The following NPR3 variants were observed in gnomAD, a reference collection of about 807,000 sequenced individuals.
The protein encoded by NPR3 is natriuretic peptide receptor 3, also known as atrial natriuretic peptide receptor 3.
NPR3 carries 34 observed loss-of-function variants against 54.5 expected under a neutral mutation model. The ratio of observed to expected loss-of-function variants is 0.62; its 90% CI spans 0.47 to 0.83. The LOEUF (loss-of-function observed/expected upper bound fraction) is 0.83. Among genes scored for constraint, NPR3 ranks in the 40% least tolerant of loss-of-function variants. NPR3 has a pLI of 0.00. For synonymous variants in NPR3, 289 were observed against 297.1 expected, an observed-to-expected ratio of 0.97 and a Z score of 0.28; for missense variants, 674 against 720.8, an observed-to-expected ratio of 0.94 and a Z score of 0.74.
At chr5:32,710,520 G>A, upstream of NPR3, 1 of 915,570 alleles carries the variant, frequency 1.1e-6, no homozygotes, top group Non-Finnish European at 1.5e-6. Flanking sequence ...CTGACAGAGG[G>A]TCCGTGAGCT....
At chr5:32,743,814 T>G in intron 3 of NPR3, among the ~76,000 whole-genome samples, 1 of 152,096 alleles carries the variant, frequency 6.6e-6, no homozygotes, top group East Asian at 1.9e-4. Context: ...TAGGGTTGTT[T>G]AGGGCTAGTC....
At chr5:32,752,949 A>G (rs1740649462) in intron 3 of NPR3, among the ~76,000 whole-genome samples, 1 of 152,230 alleles carries the variant, frequency 6.6e-6, no homozygotes, top group African/African-American at 2.4e-5. Flanking sequence ...TAGTTGTGCT[A>G]AAGTAGAATA....
In NPR3 at chr5:32,786,399, G is replaced by A. The variant is rs1414283516; in HGVS notation, c.*54G>A. ...CCTGAGATTCTTTAAGGAGATAGACGGGTTGAAAGACATCAATGAAACAGA... is the reference window on the plus strand; with the variant it reads ...CCTGAGATTCTTTAAGGAGATAGACAGGTTGAAAGACATCAATGAAACAGA... On this transcript the variant is annotated 3_prime_UTR_variant, in exon 8 of 8. Coordinates refer to ENST00000265074, the MANE Select transcript of NPR3 (RefSeq NM_001204375.2). 9.8e-6 allele frequency: 7 copies of A among 717,748 alleles called. No homozygotes were observed. In the East Asian group the frequency reaches 1.7e-4, roughly 17 times the overall value. The allele number at this position is 717,748 out of a possible 1,614,324, so 44.5% of individuals were successfully genotyped here. A position where few individuals can be genotyped will look rare whatever the true frequency, so the allele number is the denominator to read the frequency against.
chr5:32,738,974 T>C lies in NPR3; in HGVS notation c.1003T>C (p.Phe335Leu), dbSNP rs1739898153. ...GACAGTGAAACCTGAGTTTGAGAAGTTTTCCATGGAGGTGAAAAGTTCAGT... is the reference window on the plus strand; with the variant it reads ...GACAGTGAAACCTGAGTTTGAGAAGCTTTCCATGGAGGTGAAAAGTTCAGT... ...LRTVKPEFEKFSMEVKSSVEK... is the reference protein window; with the variant it reads ...LRTVKPEFEKLSMEVKSSVEK... The change falls in exon 3 of 8, where the codon TTT becomes CTT. Residue 335 changes from phenylalanine (F) to leucine (L), a missense_variant. Coordinates refer to ENST00000265074, the MANE Select transcript of NPR3 (RefSeq NM_001204375.2). 6.2e-7 allele frequency: 1 copy of C among 1,613,840 alleles called. No individual in the cohort carries two copies.
At position 32,791,372 on chromosome 5, in the gene NPR3, G is replaced by A. The variant is rs1742901636; in HGVS notation, c.*5027G>A. On this transcript the variant is annotated 3_prime_UTR_variant, in exon 8 of 8. Transcript: ENST00000265074. ...TTATTCATTGTTGATTTAAATACAGGACTACCAAACAGTACAAATCTATCA... is the reference window on the plus strand; with the variant it reads ...TTATTCATTGTTGATTTAAATACAGAACTACCAAACAGTACAAATCTATCA... 2 of 167,030 alleles carry A rather than the reference G, an allele frequency of 1.2e-5. No individual in the cohort carries two copies. Among genetic ancestry groups the A allele is most frequent in the East Asian group, 1.9e-4 (1 of 5,204 alleles). 10.3% of individuals were successfully genotyped at this position (167,030 alleles called of 1,614,324 possible). A position where few individuals can be genotyped will look rare whatever the true frequency, so the allele number is the denominator to read the frequency against.
chr5:32,765,196 T>C (rs1741387997), intron 3 of NPR3, among the ~76,000 whole-genome samples: 2 of 152,172 alleles, frequency 1.3e-5, no homozygotes, highest in African/African-American at 2.4e-5. Flanking sequence ...GTCTTCCCCT[T>C]GGCAGCAGCT....
intron 2 of NPR3, among the ~76,000 whole-genome samples, chr5:32,728,169 G>A (rs2111904068): frequency 6.6e-6 from 1 of 152,236 alleles, no homozygotes; most frequent in South Asian, 2.1e-4. Context: ...TGAGATTCAA[G>A]AGCAGTTTTT....
At position 32,786,261 on chromosome 5, in the gene NPR3, G is replaced by A; in HGVS notation, c.1542G>A (p.Arg514=). Residue 514 remains arginine, a synonymous_variant, in exon 8 of 8, where the codon AGG becomes AGA. Coordinates refer to ENST00000265074, the MANE Select transcript of NPR3 (RefSeq NM_001204375.2). ...AGAAATACAGAATAACCATTGAGAG[G>A]CGAACCCAGCAAGAAGAAAGTAACC... ...FRKKYRITIE[R]RTQQEESNLG... The A allele has an allele frequency of 6.4e-7, 1 of 1,555,254 alleles. No homozygotes were observed. Among genetic ancestry groups the A allele is most frequent in the South Asian group, 1.2e-5 (1 of 86,326 alleles).
chr5:32,743,528 T>C (rs1273619548), intron 3 of NPR3, among the ~76,000 whole-genome samples: 1 of 152,264 alleles, frequency 6.6e-6, no homozygotes, highest in Non-Finnish European at 1.5e-5. Context: ...AGTTGTGATG[T>C]GAGTTGCATT....
rs554267823 is a variant in NPR3, at chr5:32,744,410, C to T, written c.1059+5380C>T. On this transcript the variant is annotated intron_variant, in intron 3 of 7. Coordinates refer to ENST00000265074, the MANE Select transcript of NPR3 (RefSeq NM_001204375.2). ...CCTCTTACAATTCTTATCTTGGGCA[C>T]CTTTCTGAGACTTAGTTCGTTAGTT... Among the ~76,000 whole-genome samples the T allele has an allele frequency of 4.6e-5, 7 of 152,208 alleles. No homozygotes were observed. The East Asian group carries it at 1.3e-3, about 29-fold the overall frequency.
intron 3 of NPR3, among the ~76,000 whole-genome samples, chr5:32,747,890 G>C (rs1232045143): frequency 1.3e-5 from 2 of 151,766 alleles, no homozygotes; most frequent in African/African-American, 2.4e-5. Flanking sequence ...TGTGTAGCTA[G>C]GACTATAGGC....
chr5:32,714,662 G>T (rs1738456901), intron 1 of NPR3, among the ~76,000 whole-genome samples: 1 of 152,182 alleles, frequency 6.6e-6, no homozygotes, highest in African/African-American at 2.4e-5. Context: ...AAACAAAACA[G>T]TTTCTCCTCT....
At chr5:32,762,829 A>G (rs1242234515) in intron 3 of NPR3, among the ~76,000 whole-genome samples, 3 of 152,140 alleles carry the variant, frequency 2.0e-5, no homozygotes, top group African/African-American at 7.2e-5. Flanking sequence ...GAAGGTCTTC[A>G]GTTTGATTAG....
In NPR3 at chr5:32,751,246, T is replaced by C. The variant is rs1740559009; in HGVS notation, c.1059+12216T>C. 2.0e-5 allele frequency among the ~76,000 whole-genome samples: 3 copies of C among 152,224 alleles called. 1 individual carries two copies. The South Asian group carries it at 6.2e-4, about 31-fold the overall frequency. On this transcript the variant is annotated intron_variant, in intron 3 of 7. Transcript: ENST00000265074. ...AATTTTATACCCTTTCTACAATCTGTTAAAACTCTTTTGTTGTAAAATGAG... is the reference window on the plus strand; with the variant it reads ...AATTTTATACCCTTTCTACAATCTGCTAAAACTCTTTTGTTGTAAAATGAG...
chr5:32,705,605 G>A (rs966649008), upstream of NPR3, among the ~76,000 whole-genome samples: 9 of 152,116 alleles, frequency 5.9e-5, no homozygotes, highest in African/African-American at 2.2e-4. Flanking sequence ...TAGATTTTAT[G>A]AGAACTCTAT....
chr5:32,710,652 C>A, upstream of NPR3: 1 of 1,497,628 alleles, frequency 6.7e-7, no homozygotes. Flanking sequence ...GCCGGGCACA[C>A]CAGGTCCGCG....
chr5:32,765,870 A>G (rs549042430), intron 3 of NPR3, among the ~76,000 whole-genome samples: 13 of 152,368 alleles, frequency 8.5e-5, no homozygotes, highest in Admixed American at 8.5e-4. Context: ...AAACCTACAA[A>G]GGATGGTTAA....
At position 32,785,855 on chromosome 5, in the gene NPR3, A is replaced by G. The variant is rs1393787158; in HGVS notation, c.1515-379A>G. 1.2e-4 allele frequency among the ~76,000 whole-genome samples: 18 copies of G among 152,244 alleles called. No individual in the cohort carries two copies. The East Asian group carries it at 3.1e-3, about 26-fold the overall frequency. The stretch of plus-strand genomic sequence containing the variant: ...TTTCTGCATGGGATTGTAACTAGGC[A>G]TATGTGACCCTTTGTGGGAACAATT... On this transcript the variant is annotated intron_variant, in intron 7 of 7. Transcript: ENST00000265074.
chr5:32,767,358 A>G (rs1446608108), intron 3 of NPR3, among the ~76,000 whole-genome samples: 1 of 152,226 alleles, frequency 6.6e-6, no homozygotes, highest in Admixed American at 6.5e-5. Flanking sequence ...ACTCTCTGTC[A>G]TAGGATAATA....
Sources: allele counts gnomAD v4.1 joint callset (sites outside exome capture counted in the v4.1 genomes callset), GRCh38; gene constraint gnomAD v4.1.1; transcripts MANE v1.5; gene names NCBI Gene and HGNC (gene_info 2026-07-23, HGNC 2026-07-21).